Variants in LGMN observed in about 807,000 individuals in gnomAD.
The protein encoded by LGMN is asparaginyl endopeptidase.
Under a neutral mutation model 56.8 loss-of-function variants are expected in LGMN, and 36 were observed. The observed-to-expected ratio is 0.63, with a 90% CI of 0.49 to 0.84. The LOEUF is 0.84. LGMN is among the 40% of genes least tolerant of loss of function. The probability of loss-of-function intolerance (pLI) is 0.00; values close to 1 mark genes in which losing one functional copy is unlikely to be tolerated. For synonymous variants in LGMN, 199 were observed against 210.1 expected (o/e 0.95, Z 0.46); for missense variants, 446 against 556.1 (o/e 0.80, Z 1.99).
intron 1 of LGMN, among the ~76,000 whole-genome samples, chr14:92,735,730 T>C (rs1253419189): frequency 6.6e-6 from 1 of 152,158 alleles, no homozygotes; most frequent in Non-Finnish European, 1.5e-5. Flanking sequence ...TAGGTTTCTT[T>C]AGCTCCACTG....
intron 1 of LGMN, 33 bp from the exon 2 acceptor site, chr14:92,732,848 C>T (rs1265469788): frequency 1.3e-6 from 2 of 1,566,866 alleles, no homozygotes; most frequent in Admixed American, 3.7e-5. Flanking sequence ...AAGTACAAAG[C>T]AACAAGAACT....
chr14:92,719,260 G>GCCACCACCA (rs1188291041), intron 2 of LGMN, among the ~76,000 whole-genome samples: 3 of 12,540 alleles, frequency 2.4e-4, no homozygotes, highest in African/African-American at 3.3e-4. Context: ...CACCACCACC[G>GCCACCACCA]CCACCGCCGC....
At chr14:92,736,329 C>T (rs1319001043) in intron 1 of LGMN, among the ~76,000 whole-genome samples, 1 of 152,174 alleles carries the variant, frequency 6.6e-6, no homozygotes, top group Admixed American at 6.5e-5. Flanking sequence ...GGTGCGGTGG[C>T]TCACACCTGT....
chr14:92,730,587 T>C (rs1891001933), intron 2 of LGMN, among the ~76,000 whole-genome samples: 1 of 152,166 alleles, frequency 6.6e-6, no homozygotes, highest in Non-Finnish European at 1.5e-5. Context: ...GGCTGGTATC[T>C]TATTATTAAT....
chr14:92,721,501 C>G (rs949993279), intron 2 of LGMN, among the ~76,000 whole-genome samples: 2 of 152,172 alleles, frequency 1.3e-5, no homozygotes, highest in Non-Finnish European at 2.9e-5. Flanking sequence ...GCCATGAAGT[C>G]TGTGGCAATC....
intron 1 of LGMN, among the ~76,000 whole-genome samples, chr14:92,735,524 A>G (rs1314487615): frequency 6.6e-6 from 1 of 151,934 alleles, no homozygotes; most frequent in African/African-American, 2.4e-5. Flanking sequence ...TGCATTTCTA[A>G]CAAGTGTCAG....
intron 1 of LGMN, among the ~76,000 whole-genome samples, chr14:92,742,233 G>A (rs1891588640): frequency 6.6e-6 from 1 of 150,782 alleles, no homozygotes; most frequent in Admixed American, 6.6e-5. Flanking sequence ...ATTCCATACT[G>A]AAGTCTCTCT....
chr14:92,732,808 G>A lies in LGMN; in HGVS notation c.-22C>T. On this transcript the variant is annotated 5_prime_UTR_variant, in exon 2 of 14. Coordinates refer to ENST00000334869, the MANE Select transcript of LGMN (RefSeq NM_005606.7). ...CCATTCTGCACCTTGGAGTTCAATT[G>A]CAGACACCTGAGAAGGGAAACACAG... The A allele has an allele frequency of 6.2e-7, 1 of 1,610,570 alleles. No individual in the cohort carries two copies. Among genetic ancestry groups the A allele is most frequent in the Middle Eastern group, 1.7e-4 (1 of 6,048 alleles).
At chr14:92,722,495 A>T (rs1890526445) in intron 2 of LGMN, among the ~76,000 whole-genome samples, 1 of 152,044 alleles carries the variant, frequency 6.6e-6, no homozygotes, top group Non-Finnish European at 1.5e-5. Flanking sequence ...AGGCAGGAGA[A>T]ATCACTTGAA....
intron 8 of LGMN, 70 bp downstream of exon 8, chr14:92,712,735 G>T: frequency 6.9e-7 from 1 of 1,442,254 alleles, no homozygotes; most frequent in Non-Finnish European, 9.7e-7. Context: ...AGAATGCTCA[G>T]TTCCATGTCA....
rs1223675061 is a variant in LGMN, at chr14:92,704,435, T to C, written c.1260-74A>G. 1.5e-5 allele frequency: 19 copies of C among 1,301,546 alleles called. No individual in the cohort carries two copies. In the South Asian group the frequency reaches 2.4e-4, roughly 16 times the overall value. The allele number at this position is 1,301,546 out of a possible 1,614,324, so 80.6% of individuals were successfully genotyped here. ...AAAGGCAGACAAACGCAAACCCACA[T>C]GCGGCAGGCAGGCAGTTATGACAGG... is the stretch of plus-strand genomic sequence containing the variant. On this transcript the variant is annotated intron_variant, in intron 13 of 13. Transcript: ENST00000334869.
chr14:92,737,096 A>G (rs1036273143), intron 1 of LGMN, among the ~76,000 whole-genome samples: 1 of 152,192 alleles, frequency 6.6e-6, no homozygotes, highest in African/African-American at 2.4e-5. Flanking sequence ...AAAGGACCAG[A>G]AAGTAAATAT....
intron 1 of LGMN, among the ~76,000 whole-genome samples, chr14:92,746,289 C>A (rs1165885227): frequency 6.6e-6 from 1 of 152,090 alleles, no homozygotes; most frequent in African/African-American, 2.4e-5. Flanking sequence ...GATTTCGATA[C>A]CCTCAGTACA....
chr14:92,708,340 T>C (rs1889552682), intron 11 of LGMN, among the ~76,000 whole-genome samples: 1 of 151,994 alleles, frequency 6.6e-6, no homozygotes, highest in Non-Finnish European at 1.5e-5. Flanking sequence ...GGCCCACTCC[T>C]GTAATCCCAG....
At chr14:92,709,950 G>A in intron 10 of LGMN, 78 bp from the exon 11 acceptor site, 1 of 1,248,764 alleles carries the variant, frequency 8.0e-7, no homozygotes, top group Non-Finnish European at 1.1e-6. Context: ...GAGGGAGAGA[G>A]AGAGCTGGTT....
rs115317466 is a variant in LGMN at position 92,734,975 on chromosome 14, T to C, written c.-29-2160A>G. 2.2e-3 allele frequency among the ~76,000 whole-genome samples: 330 copies of C among 152,282 alleles called. 2 individuals carry two copies. The highest frequency in any genetic ancestry group is 7.6e-3 in the African/African-American group (316 of 41,546). On this transcript the variant is annotated intron_variant, in intron 1 of 13. Coordinates refer to ENST00000334869, the MANE Select transcript of LGMN (RefSeq NM_005606.7). The stretch of plus-strand genomic sequence containing the variant: ...ACAGGGACAGAACAAAGCCTGTGTC[T>C]TCATGGAGGACGCACCCAGATGAAG...
intron 5 of LGMN, 46 bp downstream of exon 5, chr14:92,716,090 G>T (rs1890058494): frequency 1.6e-5 from 20 of 1,286,512 alleles, no homozygotes; most frequent in Non-Finnish European, 2.2e-5. Flanking sequence ...CTATACGGGG[G>T]TCCCAAGCCA....
chr14:92,717,510 ATC>A (rs1304042990), intron 3 of LGMN, 49 bp from the exon 4 acceptor site: 1 of 1,334,148 alleles, frequency 7.5e-7, no homozygotes. Context: ...TGCCTCCGAA[ATC>A]TCTCTCTTCA....
At chr14:92,736,163 G>A (rs1408661319) in intron 1 of LGMN, among the ~76,000 whole-genome samples, 2 of 152,208 alleles carry the variant, frequency 1.3e-5, no homozygotes, top group African/African-American at 2.4e-5. Flanking sequence ...TAGGTGCAAT[G>A]CTTGTTTAGA....
Sources: allele counts gnomAD v4.1 joint callset (sites outside exome capture counted in the v4.1 genomes callset), GRCh38; gene constraint gnomAD v4.1.1; transcripts MANE v1.5; gene names NCBI Gene and HGNC (gene_info 2026-07-23, HGNC 2026-07-21).